The following C5orf34 variants were observed in gnomAD, a reference collection of about 807,000 sequenced individuals.
C5orf34 encodes the protein uncharacterized protein C5orf34.
A neutral mutation model predicts 78.4 loss-of-function variants in C5orf34; 73 were observed. That is an observed-to-expected ratio of 0.93 (90% CI 0.77 to 1.13). C5orf34 has a LOEUF of 1.13. Ranked by LOEUF, C5orf34 falls within the 50% of genes most tolerant of loss-of-function variation. The pLI is 0.00. For synonymous variants in C5orf34, 251 were observed against 246.6 expected, an observed-to-expected ratio of 1.02 and a Z score of -0.17; for missense variants, 730 against 732.7, an observed-to-expected ratio of 1.00 and a Z score of 0.04.
At chr5:43,508,778 G>A (rs759464528) in intron 2 of C5orf34, 112 bp from the exon 3 acceptor site, 22 of 734,354 alleles carry the variant, frequency 3.0e-5, no homozygotes, top group African/African-American at 7.1e-5. Flanking sequence ...TTCTAGCCAC[G>A]TCAACAGTAT....
chr5:43,494,546 G>A lies in C5orf34; in HGVS notation c.1208C>T (p.Pro403Leu), dbSNP rs746798968. 59 of 1,607,928 alleles carry A rather than the reference G, an allele frequency of 3.7e-5. No individual in the cohort carries two copies. Among genetic ancestry groups the A allele is most frequent in the Non-Finnish European group, 4.6e-5 (54 of 1,176,024 alleles). The change falls in exon 7 of 13, where the codon CCA becomes CTA. Residue 403 changes from proline to leucine, a missense_variant. Coordinates refer to ENST00000306862, the MANE Select transcript of C5orf34 (RefSeq NM_198566.4). ...TTTAATTAGAGAACCGACAGTGAAT[G>A]GACTTCCCGGTCTATCTGGAGGAAG... ...NNLPPDRPGSPFTVGSLIKQA... is the reference protein window; with the variant it reads ...NNLPPDRPGSLFTVGSLIKQA...
intron 6 of C5orf34, among the ~76,000 whole-genome samples, chr5:43,502,014 A>G (rs934405021): frequency 9.2e-5 from 14 of 152,186 alleles, no homozygotes; most frequent in Non-Finnish European, 2.1e-4. Flanking sequence ...ACACAATTAC[A>G]TGGTGGGGAA....
chr5:43,492,867 A>G lies in C5orf34; in HGVS notation c.1338T>C (p.Asn446=). 3 of 1,603,256 alleles carry G rather than the reference A, an allele frequency of 1.9e-6. No homozygotes were observed. The highest frequency in any genetic ancestry group is 2.6e-6 in the Non-Finnish European group (3 of 1,173,854). Residue 446 remains asparagine (N), a synonymous_variant, in exon 9 of 13, where the codon AAT becomes AAC. Transcript: ENST00000306862. ...WKMVPGINDS[N]ILPLVLKESL... ...ACTCTTTCAAAACCAAAGGCAGTATATTGCTATCATTTATCCCAGGTACCT... is the reference window on the plus strand; with the variant it reads ...ACTCTTTCAAAACCAAAGGCAGTATGTTGCTATCATTTATCCCAGGTACCT...
chr5:43,503,884 A>C, intron 4 of C5orf34, 124 bp from the exon 5 acceptor site: 1 of 624,176 alleles, frequency 1.6e-6, no homozygotes, highest in Admixed American at 2.9e-5. Context: ...TCAAAGAATA[A>C]AAATTAATAT....
At chr5:43,488,312 T>G in intron 11 of C5orf34, 1 of 191,608 alleles carries the variant, frequency 5.2e-6, no homozygotes, top group East Asian at 1.3e-4. Context: ...TAAAATCCCA[T>G]TCCTTCTGTG....
intron 2 of C5orf34, 129 bp downstream of exon 2, chr5:43,509,016 A>T: frequency 1.5e-6 from 1 of 683,572 alleles, no homozygotes; most frequent in Non-Finnish European, 2.5e-6. Context: ...GAGGCAGGAG[A>T]ATCACTTGAG....
In C5orf34 at chr5:43,494,523, T is replaced by C; in HGVS notation, c.1231A>G (p.Lys411Glu). The change falls in exon 7 of 13, where the codon AAA becomes GAA. Residue 411 changes from lysine (K) to glutamate (E), a missense_variant. Physicochemically the swap from Lys to Glu is moderately conservative, Grantham distance 56. Coordinates refer to ENST00000306862, the MANE Select transcript of C5orf34 (RefSeq NM_198566.4). Reference protein sequence around the residue: ...GSPFTVGSLIKQATRILQHCV... With the variant: ...GSPFTVGSLIEQATRILQHCV... ...GGAAGAACTTACCTTGTTGCCTGTT[T>C]AATTAGAGAACCGACAGTGAATGGA... 1.2e-6 allele frequency: 2 copies of C among 1,604,142 alleles called. No individual in the cohort carries two copies. Among genetic ancestry groups the C allele is most frequent in the Non-Finnish European group, 1.7e-6 (2 of 1,173,224 alleles).
intron 6 of C5orf34, 33 bp from the exon 7 acceptor site, chr5:43,494,634 A>T (rs1205145047): frequency 7.0e-7 from 1 of 1,418,884 alleles, no homozygotes; most frequent in Middle Eastern, 1.8e-4. Flanking sequence ...AATTTCATTA[A>T]TAATAAATTT....
chr5:43,511,108 TGAG>T (rs1746227197), intron 1 of C5orf34: 1 of 174,904 alleles, frequency 5.7e-6, no homozygotes, highest in Non-Finnish European at 1.2e-5. Context: ...ATCTGGGAGA[TGAG>T]GAGCGTCTCT....
At chr5:43,514,483 T>TG (rs1746400135) in intron 1 of C5orf34, among the ~76,000 whole-genome samples, 5 of 152,202 alleles carry the variant, frequency 3.3e-5, no homozygotes, top group African/African-American at 4.8e-5. Context: ...TTTGGTCAGG[T>TG]CTTTTTTTTA....
At chr5:43,494,925 C>T (rs1030760016) in intron 6 of C5orf34, 4 of 700,770 alleles carry the variant, frequency 5.7e-6, no homozygotes, top group Non-Finnish European at 9.4e-6. Flanking sequence ...ACAAAACATT[C>T]TCCTTTCCTT....
chr5:43,513,437 C>T (rs1180484327), intron 1 of C5orf34, among the ~76,000 whole-genome samples: 1 of 152,214 alleles, frequency 6.6e-6, no homozygotes. Context: ...ATCCAGTCTG[C>T]ATACAGTAGT....
chr5:43,505,873 A>T lies in C5orf34; in HGVS notation c.807T>A (p.Ser269=), dbSNP rs759160854. Residue 269 remains serine (S), a synonymous_variant, in exon 4 of 13, where the codon TCT becomes TCA. Transcript: ENST00000306862. ...TCTGAGTTATATGTGCATCAATTTT[A>T]GACATATTGCTGATTTTATTATGAA... The part of the protein sequence containing the change: ...LHFHNKISNM[S]KIDAHITQSR... The T allele has an allele frequency of 6.2e-7, 1 of 1,613,910 alleles. No homozygotes were observed. Among genetic ancestry groups the T allele is most frequent in the Non-Finnish European group, 8.5e-7 (1 of 1,179,828 alleles).
At chr5:43,513,189 C>A (rs1262000798) in intron 1 of C5orf34, among the ~76,000 whole-genome samples, 1 of 152,068 alleles carries the variant, frequency 6.6e-6, no homozygotes, top group Non-Finnish European at 1.5e-5. Context: ...AATATTTAAC[C>A]ACATGGTCTC....
chr5:43,503,598 C>T, intron 5 of C5orf34, 67 bp downstream of exon 5: 2 of 1,028,666 alleles, frequency 1.9e-6, no homozygotes, highest in South Asian at 2.5e-5. Context: ...TAAGGCTCGT[C>T]CCATCTTCTC....
In C5orf34 at chr5:43,495,977, G is replaced by A. The variant is rs1045063322; in HGVS notation, c.1153-1376C>T. On this transcript the variant is annotated intron_variant, in intron 6 of 12. Transcript: ENST00000306862. ...TTCCTCTTCTCTCTTCTGGCTGTAG[G>A]GTGGCTCAGTGGAATCCATTTTGTT... 16 of 1,591,048 alleles carry A rather than the reference G, an allele frequency of 1.0e-5. No homozygotes were observed. In the African/African-American group the frequency reaches 1.7e-4, roughly 17 times the overall value.
intron 4 of C5orf34, among the ~76,000 whole-genome samples, chr5:43,505,251 C>T (rs1019866873): frequency 1.2e-4 from 18 of 152,280 alleles, no homozygotes; most frequent in African/African-American, 3.9e-4. Flanking sequence ...TGAAAACAGA[C>T]GTATTTATAG....
intron 6 of C5orf34, chr5:43,494,971 G>C (rs762915897): frequency 1.1e-4 from 106 of 933,118 alleles, no homozygotes; most frequent in Non-Finnish European, 1.6e-4. Flanking sequence ...TCATTAACCA[G>C]TCTTTCACTA....
Position 43,494,584 on chromosome 5 carries a change from G to T in C5orf34, c.1170C>A (p.Tyr390Ter). The T allele has an allele frequency of 6.3e-7, 1 of 1,597,596 alleles. No homozygotes were observed. Among genetic ancestry groups the T allele is most frequent in the Non-Finnish European group, 8.6e-7 (1 of 1,169,338 alleles). ...EGSGKREEKTYSVNNLPPDRP... is the reference protein window; with the variant it reads ...EGSGKREEKT ...TATCTGGAGGAAGGTTATTTACTGA[G>T]TAAGTTTTCTCTTCTCTCTGAAAAT... Residue 390 changes from tyrosine to a stop codon, truncating the protein, a stop_gained, in exon 7 of 13, where the codon TAC (tyrosine) becomes TAA (stop). Coordinates refer to ENST00000306862, the MANE Select transcript of C5orf34 (RefSeq NM_198566.4). LOFTEE classifies it high-confidence loss of function.
Sources: allele counts gnomAD v4.1 joint callset (sites outside exome capture counted in the v4.1 genomes callset), GRCh38; gene constraint gnomAD v4.1.1; transcripts MANE v1.5; gene names NCBI Gene and HGNC (gene_info 2026-07-23, HGNC 2026-07-21).